RNF213: variants seen among roughly 807,000 people sequenced by gnomAD.
RNF213 encodes ring finger protein 213, also known as E3 ubiquitin-protein ligase RNF213.
Under a neutral mutation model 514.4 loss-of-function variants are expected in RNF213, and 341 were observed. That is an observed-to-expected ratio of 0.66 (90% CI 0.61 to 0.73). The LOEUF (loss-of-function observed/expected upper bound fraction) is 0.73. Ranked by LOEUF, RNF213 falls within the 30% of genes least tolerant of loss-of-function variation. The probability of loss-of-function intolerance (pLI) is 0.00; values close to 1 mark genes in which losing one functional copy is unlikely to be tolerated. For synonymous variants in RNF213, 2,655 were observed against 2,658.2 expected, an observed-to-expected ratio of 1.00 and a Z score of 0.04; for missense variants, 5,767 against 6,615.6, an observed-to-expected ratio of 0.87 and a Z score of 4.45.
At position 80,263,710 on chromosome 17, in the gene RNF213, C is replaced by T; in HGVS notation, c.29C>T (p.Ser10Phe). ...GAGTGTCCTTCGTGCCAGCATGTCTCCAAGGAGGAAACCCCCAAGTTCTGC... is the reference window on the plus strand; with the variant it reads ...GAGTGTCCTTCGTGCCAGCATGTCTTCAAGGAGGAAACCCCCAAGTTCTGC... MECPSCQHV[S>F]KEETPKFCSQ... The change falls in exon 2 of 68, where the codon TCC becomes TTC. Residue 10 changes from serine to phenylalanine, a missense_variant. Coordinates refer to ENST00000582970, the MANE Select transcript of RNF213 (RefSeq NM_001256071.3). The surrounding 1 kb of genome is among the most constrained non-coding windows in gnomAD (Gnocchi z 4.9). The T allele has an allele frequency of 6.2e-7, 1 of 1,614,146 alleles. No homozygotes were observed. Among genetic ancestry groups the T allele is most frequent in the Non-Finnish European group, 8.5e-7 (1 of 1,180,016 alleles).
chr17:80,315,201 A>C (rs867858134), intron 15 of RNF213, among the ~76,000 whole-genome samples: 1 of 7,898 alleles, frequency 1.3e-4, no homozygotes, highest in Non-Finnish European at 2.1e-4. Flanking sequence ...GGTGGAGGTA[A>C]TGGAGGTGAT....
Position 80,386,804 on chromosome 17 carries a change from A to G in RNF213, c.14835A>G (p.Arg4945=). 1 of 1,614,246 alleles carries G rather than the reference A, an allele frequency of 6.2e-7. No homozygotes were observed. The highest frequency in any genetic ancestry group is 8.5e-7 in the Non-Finnish European group (1 of 1,180,038). ...GCCAGTACCAGGTGGAGGAGGGCAG[A>G]GAGACCGTGCAGGAGTTCGATCTGG... The part of the protein sequence containing the change: ...SNCQYQVEEG[R]ETVQEFDLEK... The change falls in exon 63 of 68, where the codon AGA becomes AGG. Residue 4945 remains arginine, a synonymous_variant. Transcript: ENST00000582970.
chr17:80,355,986 T>C (rs1477894105), intron 36 of RNF213, among the ~76,000 whole-genome samples: 1 of 148,366 alleles, frequency 6.7e-6, no homozygotes, highest in Non-Finnish European at 1.5e-5. Context: ...CCTCCGTTCC[T>C]CCTTGTGGAC....
intron 2 of RNF213, among the ~76,000 whole-genome samples, chr17:80,265,044 G>GTTTGTTTT (rs1567986297): frequency 6.3e-5 from 7 of 110,854 alleles, no homozygotes; most frequent in East Asian, 2.6e-4. Flanking sequence ...ATGTTTGTTT[G>GTTTGTTTT]TTTTTTTTTT....
At position 80,373,237 on chromosome 17, in the gene RNF213, C is replaced by T; in HGVS notation, c.12942+72C>T. On this transcript the variant is annotated intron_variant, in intron 49 of 67. Transcript: ENST00000582970. The stretch of plus-strand genomic sequence containing the variant: ...CCATACACCCCAAACCCACACACCC[C>T]CCTACCCTCACACCCTACCCCCCCC... 2.3e-6 allele frequency: 3 copies of T among 1,329,020 alleles called. No homozygotes were observed. The East Asian group carries it at 7.7e-5, about 34-fold the overall frequency. 82.3% of individuals were successfully genotyped at this position (1,329,020 alleles called of 1,614,324 possible).
At position 80,346,432 on chromosome 17, in the gene RNF213, G is replaced by T; in HGVS notation, c.8097G>T (p.Lys2699Asn). 6.2e-7 allele frequency: 1 copy of T among 1,613,550 alleles called. No homozygotes were observed. ...TGTGTTACCATGCCTCTTTAGAAAA[G>T]AAAGACTCATATCGGAAAGCCATCG... ...IGVCYHASLE[K>N]KDSYRKAIAR... is the part of the protein sequence containing the mutation. The change falls in exon 29 of 68, where the codon AAG becomes AAT. Residue 2699 changes from lysine to asparagine, a missense_variant. Lys to Asn is a moderately conservative substitution (Grantham distance 94, BLOSUM62 0). Coordinates refer to ENST00000582970, the MANE Select transcript of RNF213 (RefSeq NM_001256071.3). The surrounding 1 kb of genome is among the most constrained non-coding windows in gnomAD (Gnocchi z 8.1).
chr17:80,376,014 C>A (rs2144552371), intron 51 of RNF213, 144 bp downstream of exon 51: 1 of 765,512 alleles, frequency 1.3e-6, no homozygotes, highest in Non-Finnish European at 2.3e-6. Context: ...TGGAGGAACA[C>A]ATAACCAAGC....
intron 26 of RNF213, 126 bp downstream of exon 26, chr17:80,340,482 T>G: frequency 1.1e-6 from 1 of 908,732 alleles, no homozygotes; most frequent in Non-Finnish European, 1.7e-6. Context: ...GTGATTCATC[T>G]GTGGGTGTCA....
At position 80,328,457 on chromosome 17, in the gene RNF213, A is replaced by G. The variant is rs919882882; in HGVS notation, c.3497A>G (p.Asn1166Ser). The G allele has an allele frequency of 6.2e-5, 96 of 1,537,156 alleles. No homozygotes were observed. The highest frequency in any genetic ancestry group is 8.3e-5 in the Non-Finnish European group (95 of 1,146,916). ...CVDSLLKMCG[N>S]VKHLIQVDFG... ...GATAGTCTCCTGAAGATGTGTGGGAACGTGAAACATCTGATACAAGGTGGT... is the reference window on the plus strand; with the variant it reads ...GATAGTCTCCTGAAGATGTGTGGGAGCGTGAAACATCTGATACAAGGTGGT... Residue 1166 changes from asparagine to serine, a missense_variant, in exon 20 of 68, where the codon AAC becomes AGC. Physicochemically the swap from Asn to Ser is conservative, Grantham distance 46. This residue lies in a region of RNF213 where 516 missense variants were observed against 566.5 expected (regional missense o/e 0.91). Coordinates refer to ENST00000582970, the MANE Select transcript of RNF213 (RefSeq NM_001256071.3).
At chr17:80,351,958 G>T (rs542086655) in intron 32 of RNF213, 155 bp downstream of exon 32, 181 of 525,632 alleles carry the variant, frequency 3.4e-4, no homozygotes, top group Admixed American at 5.2e-4. Flanking sequence ...GGGTTCAAGC[G>T]ATTCTCCTGC....
chr17:80,325,138 G>A lies in RNF213; in HGVS notation c.3133G>A (p.Asp1045Asn), dbSNP rs6565674. ...KSWPRTADNFDDILKHLLTLA... is the reference protein window; with the variant it reads ...KSWPRTADNFNDILKHLLTLA... ...CTGGCCTAGGACCGCGGACAACTTCGATGACATTTTAAAGCATCTGCTCAC... is the reference window on the plus strand; with the variant it reads ...CTGGCCTAGGACCGCGGACAACTTCAATGACATTTTAAAGCATCTGCTCAC... Residue 1045 changes from aspartate (D) to asparagine (N), a missense_variant, in exon 18 of 68, where the codon GAT becomes AAT. Coordinates refer to ENST00000582970, the MANE Select transcript of RNF213 (RefSeq NM_001256071.3). 5.4e-5 allele frequency: 83 copies of A among 1,537,010 alleles called. No individual in the cohort carries two copies. The East Asian group carries it at 1.2e-3, about 23-fold the overall frequency.
At position 80,358,495 on chromosome 17, in the gene RNF213, T is replaced by G. The variant is rs941435098; in HGVS notation, c.11054+16T>G. 2.5e-6 allele frequency: 4 copies of G among 1,609,822 alleles called. No individual in the cohort carries two copies. The highest frequency in any genetic ancestry group is 2.6e-6 in the Non-Finnish European group (3 of 1,176,406). ...ATAATGAAAGGTGAGTGGAAGGCTT[T>G]CTTTCCCTGGGGAGAGAAACTATCA... On this transcript the variant is annotated intron_variant, in intron 37 of 67. Transcript: ENST00000582970.
chr17:80,355,234 G>A (rs1323396744), intron 36 of RNF213: 1 of 456,006 alleles, frequency 2.2e-6, no homozygotes, highest in Admixed American at 2.3e-5. Context: ...CCCCTTCCAG[G>A]TCCAAGCTTC....
chr17:80,369,398 CAAA>C (rs11424638), intron 44 of RNF213, 101 bp from the exon 45 acceptor site: 697 of 928,994 alleles, frequency 7.5e-4, no homozygotes, highest in Middle Eastern at 1.0e-3. Flanking sequence ...AACTCCGTCT[CAAA>C]AAAAAAAAAA....
intron 11 of RNF213, among the ~76,000 whole-genome samples, chr17:80,302,516 A>G (rs1298189836): frequency 1.3e-5 from 2 of 152,192 alleles, no homozygotes; most frequent in Non-Finnish European, 2.9e-5. Flanking sequence ...TAGAAATATA[A>G]CACTGTTCCC....
At chr17:80,363,872 G>A in intron 41 of RNF213, 82 bp downstream of exon 41, 1 of 1,378,718 alleles carries the variant, frequency 7.3e-7, no homozygotes, top group Non-Finnish European at 1.0e-6. Context: ...ATGTCCATGA[G>A]AAGACGGGCA....
rs772121856 is a variant in RNF213, at chr17:80,345,581, G to A, written c.7246G>A (p.Val2416Ile). The A allele has an allele frequency of 3.1e-6, 5 of 1,613,674 alleles. No individual in the cohort carries two copies. The highest frequency in any genetic ancestry group is 1.6e-4 in the Middle Eastern group (1 of 6,084). The change falls in exon 29 of 68, where the codon GTT (valine) becomes ATT (isoleucine). Residue 2416 changes from valine (V) to isoleucine (I), a missense_variant. Transcript: ENST00000582970. The surrounding 1 kb of genome is among the most constrained non-coding windows in gnomAD (Gnocchi z 6.0). Reference sequence around the variant, plus strand: ...GATGCGGTTCCGGTGTGGGATCCCGGTTATCATCATGGGAGAAACTGGCTG... The same window carrying A: ...GATGCGGTTCCGGTGTGGGATCCCGATTATCATCATGGGAGAAACTGGCTG... ...IEMRFRCGIP[V>I]IIMGETGCGK...
chr17:80,284,757 G>A (rs544819718), intron 3 of RNF213, among the ~76,000 whole-genome samples: 28 of 152,204 alleles, frequency 1.8e-4, no homozygotes, highest in African/African-American at 6.3e-4. Flanking sequence ...TTACTCCCTC[G>A]TGCCACACAG....
Position 80,319,866 on chromosome 17 carries a change from T to C in RNF213, c.3024+554T>C, listed in dbSNP as rs1054007996. ...CGGCTGCCCTGCTCACATTTCCTAA[T>C]TGGACACTTAACCCCTGTACAAGCA... On this transcript the variant is annotated intron_variant, in intron 17 of 67. Transcript: ENST00000582970. 9.5e-6 allele frequency: 11 copies of C among 1,157,658 alleles called. No homozygotes were observed. In the Admixed American group the frequency reaches 1.6e-4, roughly 17 times the overall value. The allele number at this position is 1,157,658 out of a possible 1,614,324, so 71.7% of individuals were successfully genotyped here.
Sources: allele counts gnomAD v4.1 joint callset (sites outside exome capture counted in the v4.1 genomes callset), GRCh38; gene constraint gnomAD v4.1.1; regional missense constraint gnomAD v4.1.1; non-coding constraint Gnocchi (gnomAD v3.1); transcripts MANE v1.5; gene names NCBI Gene and HGNC (gene_info 2026-07-23, HGNC 2026-07-21).